Variants in SCFD2 observed in about 807,000 individuals in gnomAD.
The protein encoded by SCFD2 is sec1 family domain-containing protein 2.
Under a neutral mutation model 58.9 loss-of-function variants are expected in SCFD2, and 54 were observed. The observed-to-expected ratio is 0.92, with a 90% CI of 0.74 to 1.15. The LOEUF (loss-of-function observed/expected upper bound fraction) is 1.15. Ranked by LOEUF, SCFD2 falls within the 50% of genes most tolerant of loss-of-function variation. The probability of loss-of-function intolerance (pLI) is 0.00; values close to 1 mark genes in which losing one functional copy is unlikely to be tolerated. For synonymous variants in SCFD2, 321 were observed against 335.9 expected (o/e 0.96, Z 0.49); for missense variants, 805 against 836.6 (o/e 0.96, Z 0.47).
At chr4:53,116,992 G>A (rs1448805072) in intron 5 of SCFD2, among the ~76,000 whole-genome samples, 1 of 152,164 alleles carries the variant, frequency 6.6e-6, no homozygotes, top group Non-Finnish European at 1.5e-5. Flanking sequence ...AAAGATGCAA[G>A]ATTTCTAACT....
At chr4:53,178,834 G>A (rs551076540) in intron 4 of SCFD2, among the ~76,000 whole-genome samples, 25 of 152,316 alleles carry the variant, frequency 1.6e-4, no homozygotes, top group African/African-American at 2.6e-4. Flanking sequence ...ACCAAGGCAC[G>A]AGAGCTACGT....
At chr4:53,145,978 T>G (rs539564857) in intron 4 of SCFD2, among the ~76,000 whole-genome samples, 1 of 152,346 alleles carries the variant, frequency 6.6e-6, no homozygotes, top group African/African-American at 2.4e-5. Context: ...AAATGAATGC[T>G]GACACTACTT....
At chr4:53,055,392 C>G (rs1406266648) in intron 5 of SCFD2, among the ~76,000 whole-genome samples, 2 of 152,108 alleles carry the variant, frequency 1.3e-5, no homozygotes, top group African/African-American at 4.8e-5. Context: ...GGCCTCTCTC[C>G]CCTGTGTTCA....
At chr4:53,327,604 T>G (rs1733248675) in intron 2 of SCFD2, among the ~76,000 whole-genome samples, 1 of 151,126 alleles carries the variant, frequency 6.6e-6, no homozygotes, top group South Asian at 2.1e-4. Flanking sequence ...AGACCAGGAG[T>G]GATGGAGGCA....
intron 2 of SCFD2, among the ~76,000 whole-genome samples, chr4:53,342,327 A>G (rs1199507017): frequency 6.6e-6 from 1 of 152,234 alleles, no homozygotes; most frequent in Non-Finnish European, 1.5e-5. Context: ...GATAAAACAG[A>G]CTTTAAACCA....
chr4:53,123,507 C>T (rs1725539505), intron 5 of SCFD2, among the ~76,000 whole-genome samples: 2 of 122,016 alleles, frequency 1.6e-5, no homozygotes, highest in Admixed American at 9.9e-5. Flanking sequence ...CTAAGGGTTA[C>T]CTTGCTGCTA....
At chr4:53,001,509 T>G (rs1357936283) in intron 5 of SCFD2, among the ~76,000 whole-genome samples, 1 of 152,214 alleles carries the variant, frequency 6.6e-6, no homozygotes, top group Non-Finnish European at 1.5e-5. Flanking sequence ...TAAAAGGAAT[T>G]TCCAACTATG....
At chr4:52,984,845 A>C (rs539040160) in intron 5 of SCFD2, among the ~76,000 whole-genome samples, 7 of 152,344 alleles carry the variant, frequency 4.6e-5, no homozygotes, top group African/African-American at 1.7e-4. Context: ...CTTTAATGAA[A>C]TGCAGCTGGA....
intron 4 of SCFD2, among the ~76,000 whole-genome samples, chr4:53,217,601 G>A (rs940145046): frequency 6.6e-6 from 1 of 152,140 alleles, no homozygotes; most frequent in Non-Finnish European, 1.5e-5. Flanking sequence ...TATCCAATTT[G>A]CCAGTCTGTG....
intron 4 of SCFD2, among the ~76,000 whole-genome samples, chr4:53,227,319 T>C (rs1729250297): frequency 6.6e-6 from 1 of 152,108 alleles, no homozygotes; most frequent in Admixed American, 6.6e-5. Context: ...AAATGGCAAT[T>C]TCCTTGATGA....
At chr4:53,097,175 T>C (rs1306191291) in intron 5 of SCFD2, among the ~76,000 whole-genome samples, 1 of 152,176 alleles carries the variant, frequency 6.6e-6, no homozygotes, top group Admixed American at 6.5e-5. Context: ...TTCTTTTGGC[T>C]TAGGATTGTC....
intron 8 of SCFD2, among the ~76,000 whole-genome samples, chr4:52,880,440 AC>A (rs1176844654): frequency 6.6e-6 from 1 of 151,278 alleles, no homozygotes. Context: ...ACACTGTAAA[AC>A]CCCGTCTCTA....
At chr4:52,960,368 CTTTTT>C (rs35967473) in intron 5 of SCFD2, among the ~76,000 whole-genome samples, 1 of 135,170 alleles carries the variant, frequency 7.4e-6, no homozygotes, top group Admixed American at 7.5e-5. Flanking sequence ...TCTTCTTCTT[CTTTTT>C]TTTTTTTTTT....
intron 4 of SCFD2, among the ~76,000 whole-genome samples, chr4:53,237,930 A>T (rs1313443626): frequency 1.9e-5 from 2 of 107,320 alleles, no homozygotes; most frequent in Non-Finnish European, 3.9e-5. Flanking sequence ...TCCCTTCCGG[A>T]CGGGGCGGCT....
At chr4:53,272,051 A>G (rs1731185731) in intron 4 of SCFD2, among the ~76,000 whole-genome samples, 2 of 152,224 alleles carry the variant, frequency 1.3e-5, no homozygotes, top group Admixed American at 6.5e-5. Context: ...AAGGATATGA[A>G]CAGACACTTC....
intron 5 of SCFD2, among the ~76,000 whole-genome samples, chr4:53,066,508 T>A (rs1723666830): frequency 6.6e-6 from 1 of 152,096 alleles, no homozygotes; most frequent in African/African-American, 2.4e-5. Context: ...AAACAGATTT[T>A]ATGGTGAAAC....
At chr4:52,900,564 T>C (rs1255466020) in intron 7 of SCFD2, among the ~76,000 whole-genome samples, 1 of 152,152 alleles carries the variant, frequency 6.6e-6, no homozygotes, top group African/African-American at 2.4e-5. Flanking sequence ...GGGAGGTGCC[T>C]CCCAGTTAGG....
At chr4:53,363,047 C>T (rs1578006175) in intron 1 of SCFD2, among the ~76,000 whole-genome samples, 1 of 152,300 alleles carries the variant, frequency 6.6e-6, no homozygotes, top group East Asian at 1.9e-4. Context: ...GATCTGGACA[C>T]TTGATAAGGG....
chr4:53,216,625 G>GT (rs766348186), intron 4 of SCFD2, among the ~76,000 whole-genome samples: 4 of 152,184 alleles, frequency 2.6e-5, no homozygotes, highest in South Asian at 2.1e-4. Context: ...TTTTTGAAGG[G>GT]TTTTTTGTGT....
Sources: allele counts gnomAD v4.1 joint callset (sites outside exome capture counted in the v4.1 genomes callset), GRCh38; gene constraint gnomAD v4.1.1; transcripts MANE v1.5; gene names NCBI Gene and HGNC (gene_info 2026-07-23, HGNC 2026-07-21).